GRIN2A: variants seen among roughly 807,000 people sequenced by gnomAD.
The protein encoded by GRIN2A is glutamate ionotropic receptor NMDA type subunit 2A, also known as glutamate receptor ionotropic, NMDA 2A.
In GRIN2A, 22 loss-of-function variants were observed where a neutral mutation model predicts 113.4. The observed-to-expected ratio is 0.19, with a 90% CI of 0.14 to 0.28. The LOEUF (loss-of-function observed/expected upper bound fraction) is 0.28, where lower values mean the gene tolerates loss of function less well. Ranked by LOEUF, GRIN2A falls within the 10% of genes least tolerant of loss-of-function variation. The probability of loss-of-function intolerance (pLI) is 1.00; values close to 1 mark genes in which losing one functional copy is unlikely to be tolerated. For missense variants in GRIN2A, 1,502 were observed against 1,887.0 expected, an observed-to-expected ratio of 0.80 and a Z score of 3.78; for synonymous variants, 827 against 738.4, an observed-to-expected ratio of 1.12 and a Z score of -1.94.
At chr16:10,152,073 T>C (rs10438524) in intron 2 of GRIN2A, among the ~76,000 whole-genome samples, 50,945 of 152,118 alleles carry the variant, frequency 0.33, 8,857 homozygotes, top group East Asian at 0.56. Context: ...TCAGACACCC[T>C]GCCCCTGGCA....
intron 5 of GRIN2A, among the ~76,000 whole-genome samples, chr16:9,842,111 C>A (rs551698618): frequency 1.1e-4 from 17 of 152,226 alleles, no homozygotes; most frequent in African/African-American, 4.1e-4. Context: ...ATTAGCCAGG[C>A]ATGGTGGCAG....
rs149389308 is a variant in GRIN2A at position 10,173,202 on chromosome 16, G to A, written c.414+6796C>T. ...AAGATAGGTCTCCCCACTCTCCCAGGAACTACCTGATGCCTCTTTAGCAGG... is the reference window on the plus strand; with the variant it reads ...AAGATAGGTCTCCCCACTCTCCCAGAAACTACCTGATGCCTCTTTAGCAGG... On this transcript the variant is annotated intron_variant, in intron 2 of 12. Transcript: ENST00000330684. 7.8e-4 allele frequency among the ~76,000 whole-genome samples: 119 copies of A among 152,318 alleles called. 1 individual carries two copies. The highest frequency in any genetic ancestry group is 2.8e-3 in the African/African-American group (116 of 41,572).
intron 2 of GRIN2A, among the ~76,000 whole-genome samples, chr16:10,064,537 C>A (rs146282617): frequency 4.6e-5 from 7 of 152,342 alleles, no homozygotes; most frequent in African/African-American, 1.7e-4. Context: ...CATGCCTCTA[C>A]ATTGATGTTT....
At chr16:9,772,601 C>T (rs1457277597) in intron 11 of GRIN2A, among the ~76,000 whole-genome samples, 2 of 152,256 alleles carry the variant, frequency 1.3e-5, no homozygotes, top group Admixed American at 6.5e-5. Flanking sequence ...ATCTCAAACT[C>T]CTGGGCTCAA....
intron 3 of GRIN2A, among the ~76,000 whole-genome samples, chr16:9,901,986 T>C (rs2043937550): frequency 6.6e-6 from 1 of 152,126 alleles, no homozygotes; most frequent in Non-Finnish European, 1.5e-5. Flanking sequence ...TTTCCATATG[T>C]TACCTGAATT....
intron 2 of GRIN2A, among the ~76,000 whole-genome samples, chr16:10,082,482 A>G (rs2048004176): frequency 6.6e-6 from 1 of 152,246 alleles, no homozygotes; most frequent in South Asian, 2.1e-4. Context: ...GTTACATCAT[A>G]TGGTAAAAGT....
intron 4 of GRIN2A, among the ~76,000 whole-genome samples, chr16:9,856,366 A>T (rs1361302590): frequency 6.6e-6 from 1 of 152,132 alleles, no homozygotes; most frequent in Non-Finnish European, 1.5e-5. Context: ...CACGCCTGTA[A>T]TCCCAGCACT....
intron 2 of GRIN2A, among the ~76,000 whole-genome samples, chr16:10,047,954 TC>T (rs1379495080): frequency 1.3e-5 from 2 of 152,150 alleles, no homozygotes; most frequent in Non-Finnish European, 2.9e-5. Flanking sequence ...TTTTATCACC[TC>T]CTGTCTCCCC....
chr16:9,997,183 TTC>T (rs1360116906), intron 2 of GRIN2A, among the ~76,000 whole-genome samples: 1 of 152,202 alleles, frequency 6.6e-6, no homozygotes, highest in East Asian at 1.9e-4. Flanking sequence ...CCTGTAGACT[TTC>T]TAACACTGGA....
intron 2 of GRIN2A, among the ~76,000 whole-genome samples, chr16:10,070,602 T>C (rs1160297142): frequency 1.3e-5 from 2 of 152,210 alleles, no homozygotes; most frequent in African/African-American, 4.8e-5. Flanking sequence ...CTAGTGACAC[T>C]GAGATATTTA....
rs372003374 is a variant in GRIN2A at position 9,840,831 on chromosome 16, AAAG to A, written c.1498-34_1498-32del. 21,821 of 1,203,952 alleles carry A rather than the reference AAAG, an allele frequency of 0.018. 33 individuals are homozygous for A. The highest frequency in any genetic ancestry group is 0.065 in the African/African-American group (3,507 of 54,022). 74.6% of individuals were successfully genotyped at this position (1,203,952 alleles called of 1,614,324 possible). On this transcript the variant is annotated intron_variant, in intron 6 of 12. Coordinates refer to ENST00000330684, the MANE Select transcript of GRIN2A (RefSeq NM_001134407.3). ...TGCAAGGCAAAAAAAAAAAAAAAAAAAAGAGAGAGAGAGAACAACAGTACTTTA... is the reference window on the plus strand; with the variant it reads ...TGCAAGGCAAAAAAAAAAAAAAAAAAAGAGAGAGAGAACAACAGTACTTTA...
At chr16:10,061,078 T>G (rs891474684) in intron 2 of GRIN2A, among the ~76,000 whole-genome samples, 1 of 152,136 alleles carries the variant, frequency 6.6e-6, no homozygotes. Flanking sequence ...AATGCTGGGG[T>G]AGGATTTCTG....
At chr16:10,009,173 C>G (rs1182172218) in intron 2 of GRIN2A, among the ~76,000 whole-genome samples, 1 of 152,182 alleles carries the variant, frequency 6.6e-6, no homozygotes, top group Non-Finnish European at 1.5e-5. Flanking sequence ...AATACATACT[C>G]AGACAAAATG....
intron 2 of GRIN2A, among the ~76,000 whole-genome samples, chr16:9,941,641 C>G (rs1382011816): frequency 2.6e-5 from 4 of 152,176 alleles, no homozygotes; most frequent in African/African-American, 7.2e-5. Context: ...GACTACCCAG[C>G]TCCAATCCTC....
chr16:9,862,329 T>G (rs1323139866), intron 4 of GRIN2A, among the ~76,000 whole-genome samples: 2 of 152,200 alleles, frequency 1.3e-5, no homozygotes, highest in African/African-American at 2.4e-5. Context: ...AGATTTTTTT[T>G]CCTCTCGTAA....
chr16:9,787,556 TG>T (rs778885315), intron 11 of GRIN2A, among the ~76,000 whole-genome samples: 2 of 152,192 alleles, frequency 1.3e-5, no homozygotes, highest in Admixed American at 1.3e-4. Flanking sequence ...CAGGACCTCC[TG>T]GGGGGCTGTG....
intron 10 of GRIN2A, among the ~76,000 whole-genome samples, chr16:9,815,869 T>C (rs2042176721): frequency 6.6e-6 from 1 of 152,260 alleles, no homozygotes; most frequent in Non-Finnish European, 1.5e-5. Flanking sequence ...ACAACTCAAG[T>C]GTCCATTGAA....
At position 9,941,668 on chromosome 16, in the gene GRIN2A, T is replaced by TG. The variant is rs557575341; in HGVS notation, c.415-3118dup. On this transcript the variant is annotated intron_variant, in intron 2 of 12. Coordinates refer to ENST00000330684, the MANE Select transcript of GRIN2A (RefSeq NM_001134407.3). The stretch of plus-strand genomic sequence containing the variant: ...CCAATCCTCATTATGTGGCCTTGGA[T>TG]GGGGGGGAAAAAAAACACTCAGCCT... Among the ~76,000 whole-genome samples, 10 of 152,068 alleles carry TG rather than the reference T, an allele frequency of 6.6e-5. No individual in the cohort carries two copies. The South Asian group carries it at 1.2e-3, about 19-fold the overall frequency.
At chr16:9,992,852 CCTT>C (rs1297338919) in intron 2 of GRIN2A, among the ~76,000 whole-genome samples, 2 of 152,170 alleles carry the variant, frequency 1.3e-5, no homozygotes, top group South Asian at 2.1e-4. Flanking sequence ...GAAATTATCT[CCTT>C]CTCAGTCTTG....
Sources: gnomAD v4.1 joint callset for allele counts (sites outside exome capture counted in the v4.1 genomes callset) on GRCh38, gnomAD v4.1.1 for gene constraint, MANE v1.5 for transcripts, NCBI Gene and HGNC (gene_info 2026-07-23, HGNC 2026-07-21) for gene names.